SNTG1: variants seen among roughly 807,000 people sequenced by gnomAD.
SNTG1 encodes the protein syntrophin gamma 1.
Under a neutral mutation model 74.7 loss-of-function variants are expected in SNTG1, and 39 were observed. That is an observed-to-expected ratio of 0.52 (90% confidence interval 0.40 to 0.68). SNTG1 has a LOEUF of 0.68. Ranked by LOEUF, SNTG1 falls within the 30% of genes least tolerant of loss-of-function variation. The pLI is 0.00. For synonymous variants in SNTG1, 254 were observed against 217.1 expected, an observed-to-expected ratio of 1.17 and a Z score of -1.49; for missense variants, 685 against 609.5, an observed-to-expected ratio of 1.12 and a Z score of -1.30.
intron 15 of SNTG1, among the ~76,000 whole-genome samples, chr8:50,659,166 A>T (rs768942427): frequency 7.9e-5 from 12 of 152,210 alleles, no homozygotes; most frequent in Non-Finnish European, 1.6e-4. Flanking sequence ...GTAAAAGAAC[A>T]TTCGATTGTC....
chr8:50,433,206 A>C (rs553278066), intron 4 of SNTG1, among the ~76,000 whole-genome samples: 2 of 152,218 alleles, frequency 1.3e-5, no homozygotes, highest in African/African-American at 2.4e-5. Context: ...TAATAATTCC[A>C]TATTCTATGA....
intron 1 of SNTG1, among the ~76,000 whole-genome samples, chr8:49,957,483 A>T (rs1810280322): frequency 6.6e-6 from 1 of 152,128 alleles, no homozygotes; most frequent in African/African-American, 2.4e-5. Flanking sequence ...AGCCTCATGT[A>T]GGGGGGTAAG....
At chr8:50,173,613 T>C (rs2082886484) in intron 2 of SNTG1, among the ~76,000 whole-genome samples, 1 of 152,120 alleles carries the variant, frequency 6.6e-6, no homozygotes, top group Non-Finnish European at 1.5e-5. Context: ...ATTAAAGAGA[T>C]TTCTAGGCTG....
At chr8:50,426,644 G>T in intron 4 of SNTG1, among the ~76,000 whole-genome samples, 1 of 151,880 alleles carries the variant, frequency 6.6e-6, no homozygotes, top group East Asian at 1.9e-4. Flanking sequence ...TATTACTGAA[G>T]AAAGAAAAGT....
chr8:50,728,147 A>C (rs2095504557), intron 17 of SNTG1, among the ~76,000 whole-genome samples: 1 of 152,178 alleles, frequency 6.6e-6, no homozygotes, highest in African/African-American at 2.4e-5. Flanking sequence ...CCAGGGACAC[A>C]GAACTGTGTA....
chr8:50,064,682 A>G (rs1820760653), intron 1 of SNTG1, among the ~76,000 whole-genome samples: 2 of 152,098 alleles, frequency 1.3e-5, no homozygotes, highest in Non-Finnish European at 2.9e-5. Flanking sequence ...GCTCTTGAAC[A>G]CATCCAGCTC....
intron 2 of SNTG1, among the ~76,000 whole-genome samples, chr8:50,332,447 T>C (rs2091002627): frequency 6.6e-6 from 1 of 151,018 alleles, no homozygotes; most frequent in African/African-American, 2.4e-5. Flanking sequence ...AAGCCTTGTT[T>C]TTTTTTTTAA....
rs181106578 is a variant in SNTG1, at chr8:50,559,647, A to C, written c.810+6468A>C. On this transcript the variant is annotated intron_variant, in intron 12 of 18. Transcript: ENST00000642720. ...TTGGAAAGGATTCCCTATTTAATAA[A>C]TGGTTCTGGGAGAACTGGCTAACCA... Among the ~76,000 whole-genome samples, 645 of 152,258 alleles carry C rather than the reference A, an allele frequency of 4.2e-3. 9 individuals carry two copies. Among genetic ancestry groups the C allele is most frequent in the African/African-American group, 0.014 (584 of 41,582 alleles).
chr8:50,033,009 G>GTT (rs201438390), intron 1 of SNTG1, among the ~76,000 whole-genome samples: 1 of 146,574 alleles, frequency 6.8e-6, no homozygotes, highest in African/African-American at 2.5e-5. Context: ...TCCTCTTTCA[G>GTT]TTTTTTTTTT....
chr8:50,087,391 G>A (rs1822993963), intron 1 of SNTG1, among the ~76,000 whole-genome samples: 1 of 152,132 alleles, frequency 6.6e-6, no homozygotes, highest in Non-Finnish European at 1.5e-5. Flanking sequence ...GAAACTCTTA[G>A]TCATGTGGTT....
chr8:50,568,227 T>TTGTTTG (rs140888701), intron 12 of SNTG1, among the ~76,000 whole-genome samples: 5,134 of 146,356 alleles, frequency 0.035, 151 homozygotes, highest in African/African-American at 0.066. Context: ...TTGTCCATGT[T>TTGTTTG]TGTGTGTGTG....
intron 2 of SNTG1, among the ~76,000 whole-genome samples, chr8:50,335,005 G>T (rs1031624204): frequency 6.6e-6 from 1 of 152,122 alleles, no homozygotes; most frequent in Non-Finnish European, 1.5e-5. Context: ...CCTGTGTGTG[G>T]TGCAGGACCT....
At chr8:50,619,561 A>G (rs1178201568) in intron 13 of SNTG1, among the ~76,000 whole-genome samples, 2 of 151,906 alleles carry the variant, frequency 1.3e-5, no homozygotes, top group African/African-American at 4.8e-5. Flanking sequence ...GAAACTCTGT[A>G]TCTACTAAAA....
rs147950885 is a variant in SNTG1 at position 50,618,066 on chromosome 8, T to C, written c.849+27149T>C. 5.4e-3 allele frequency among the ~76,000 whole-genome samples: 816 copies of C among 152,292 alleles called. 13 individuals carry two copies. The highest frequency in any genetic ancestry group is 0.018 in the African/African-American group (748 of 41,554). On this transcript the variant is annotated intron_variant, in intron 13 of 18. Coordinates refer to ENST00000642720, the MANE Select transcript of SNTG1 (RefSeq NM_018967.5). ...TATGAATTAATTTAATTTATAAAAA[T>C]GAAAGTGAAAGACATTACTTATCTT...
chr8:50,492,423 G>T (rs1013078971), intron 8 of SNTG1, among the ~76,000 whole-genome samples: 1 of 152,098 alleles, frequency 6.6e-6, no homozygotes, highest in Non-Finnish European at 1.5e-5. Context: ...ATTTTTTAGT[G>T]ATTGCTATTC....
chr8:49,989,190 T>C (rs1338680562), intron 1 of SNTG1, among the ~76,000 whole-genome samples: 1 of 151,908 alleles, frequency 6.6e-6, no homozygotes, highest in Non-Finnish European at 1.5e-5. Flanking sequence ...TTTTCTAAAA[T>C]CGACAAACTT....
intron 16 of SNTG1, chr8:50,707,889 A>G: frequency 2.5e-6 from 1 of 392,834 alleles, no homozygotes; most frequent in Non-Finnish European, 4.5e-6. Context: ...TTTTCTTTAT[A>G]TTTCAGTATC....
At chr8:50,325,125 G>A (rs935484418) in intron 2 of SNTG1, among the ~76,000 whole-genome samples, 7 of 150,584 alleles carry the variant, frequency 4.6e-5, no homozygotes, top group African/African-American at 1.7e-4. Context: ...GATTACTGTA[G>A]TTATATGGCA....
chr8:50,285,069 G>T (rs2088690806), intron 2 of SNTG1, among the ~76,000 whole-genome samples: 1 of 152,062 alleles, frequency 6.6e-6, no homozygotes, highest in African/African-American at 2.4e-5. Flanking sequence ...AGAAGTAGAT[G>T]AGAAGGTATC....
Sources: allele counts gnomAD v4.1 joint callset (sites outside exome capture counted in the v4.1 genomes callset), GRCh38; gene constraint gnomAD v4.1.1; transcripts MANE v1.5; gene names NCBI Gene and HGNC (gene_info 2026-07-23, HGNC 2026-07-21).